Variants in CORO2B observed in about 807,000 individuals in gnomAD.
The protein encoded by CORO2B is coronin 2B.
Under a neutral mutation model 58.8 loss-of-function variants are expected in CORO2B, and 26 were observed. The ratio of observed to expected loss-of-function variants is 0.44; its 90% CI spans 0.32 to 0.61. CORO2B has a LOEUF of 0.61. Among genes scored for constraint, CORO2B ranks in the 20% least tolerant of loss-of-function variants. The probability of loss-of-function intolerance (pLI) is 0.04; values close to 1 mark genes in which losing one functional copy is unlikely to be tolerated. For synonymous variants in CORO2B, 242 were observed against 253.8 expected, an observed-to-expected ratio of 0.95 and a Z score of 0.44; for missense variants, 460 against 645.1, an observed-to-expected ratio of 0.71 and a Z score of 3.11.
intron 5 of CORO2B, 43 bp downstream of exon 5, chr15:68,711,749 G>A: frequency 6.2e-7 from 1 of 1,608,860 alleles, no homozygotes; most frequent in East Asian, 2.2e-5. Context: ...AAGGTATTGA[G>A]GGCTGGGGCT....
chr15:68,544,623 G>A, the CORO2B span, among the ~76,000 whole-genome samples: 1 of 152,268 alleles, frequency 6.6e-6, no homozygotes, highest in East Asian at 1.9e-4. Context: ...TCAGGGGTTT[G>A]ATTTTGGTCT....
intron 1 of CORO2B, among the ~76,000 whole-genome samples, chr15:68,603,872 T>C (rs905134318): frequency 6.6e-6 from 1 of 152,078 alleles, no homozygotes; most frequent in African/African-American, 2.4e-5. Flanking sequence ...GGCTAATACA[T>C]AGGGGATGCT....
the CORO2B span, among the ~76,000 whole-genome samples, chr15:68,560,873 G>A: frequency 3.3e-5 from 5 of 152,314 alleles, no homozygotes; most frequent in East Asian, 9.6e-4. Flanking sequence ...AAGCAGAACC[G>A]CAGCTCTCCT....
chr15:68,575,316 CA>C (rs1485365440), upstream of CORO2B, among the ~76,000 whole-genome samples: 1 of 151,850 alleles, frequency 6.6e-6, no homozygotes, highest in Non-Finnish European at 1.5e-5. Context: ...ATGCCTCCTG[CA>C]GTGACCCTGA....
At chr15:68,648,217 C>G (rs534149157) in intron 2 of CORO2B, among the ~76,000 whole-genome samples, 157 of 151,774 alleles carry the variant, frequency 1.0e-3, no homozygotes, top group Middle Eastern at 0.01. Context: ...CCTGTAGTCC[C>G]AGCTACTTGG....
chr15:68,718,824 G>C lies in CORO2B; in HGVS notation c.1080+14G>C, dbSNP rs1893093261. On this transcript the variant is annotated intron_variant, in intron 9 of 11. Coordinates refer to ENST00000261861, the MANE Select transcript of CORO2B (RefSeq NM_006091.5). ...GTGCCCCGGAGGGTAAGTGGGGCTG[G>C]GCTGGGCTCCAGGAGGGGGGCCTGC... is the stretch of plus-strand genomic sequence containing the variant. 6.2e-7 allele frequency: 1 copy of C among 1,604,830 alleles called. No individual in the cohort carries two copies. The highest frequency in any genetic ancestry group is 8.5e-7 in the Non-Finnish European group (1 of 1,172,104).
chr15:68,707,128 C>T (rs930893065), intron 3 of CORO2B, among the ~76,000 whole-genome samples: 3 of 152,104 alleles, frequency 2.0e-5, no homozygotes, highest in Non-Finnish European at 2.9e-5. Flanking sequence ...GCCCAGCTGC[C>T]GCCTAGGCTT....
In CORO2B at chr15:68,612,891, T is replaced by C. The variant is rs149211000; in HGVS notation, c.16-32269T>C. Among the ~76,000 whole-genome samples, 123 of 152,334 alleles carry C rather than the reference T, an allele frequency of 8.1e-4. 1 individual carries two copies. The South Asian group carries it at 0.013, about 17-fold the overall frequency. On this transcript the variant is annotated intron_variant, in intron 1 of 11. Coordinates refer to ENST00000261861, the MANE Select transcript of CORO2B (RefSeq NM_006091.5). ...TAACTGACCCCAGCTCCCTTGCTCC[T>C]TGTGGCTCATTTTTCCTTAGGGCCT...
the CORO2B span, among the ~76,000 whole-genome samples, chr15:68,559,099 G>A: frequency 4.6e-5 from 7 of 152,154 alleles, no homozygotes; most frequent in African/African-American, 1.4e-4. The surrounding 1 kb of genome is among the most constrained non-coding windows in gnomAD (Gnocchi z 4.3). Flanking sequence ...AGAAATGCGC[G>A]AAGTGTGGCT....
chr15:68,639,575 T>C (rs907140176), intron 1 of CORO2B, among the ~76,000 whole-genome samples: 1 of 152,182 alleles, frequency 6.6e-6, no homozygotes, highest in Non-Finnish European at 1.5e-5. Flanking sequence ...CAACATGATG[T>C]CTTTAATAAA....
chr15:68,535,362 C>T, the CORO2B span, among the ~76,000 whole-genome samples: 3 of 152,244 alleles, frequency 2.0e-5, no homozygotes, highest in Non-Finnish European at 4.4e-5. Flanking sequence ...GTCAATTTAC[C>T]TAATCTTTCT....
In CORO2B at chr15:68,655,358, C is replaced by T. The variant is rs74959008; in HGVS notation, c.216+9998C>T. 9.7e-3 allele frequency among the ~76,000 whole-genome samples: 1,474 copies of T among 152,264 alleles called. 31 individuals are homozygous for T. The highest frequency in any genetic ancestry group is 0.033 in the African/African-American group (1,373 of 41,538). On this transcript the variant is annotated intron_variant, in intron 2 of 11. Coordinates refer to ENST00000261861, the MANE Select transcript of CORO2B (RefSeq NM_006091.5). ...CTCTGTGCTCTGAGCCAGGCTGAAG[C>T]CACACAGTCCTCACAGTCCATGCCT...
chr15:68,611,864 C>G (rs1193697799), intron 1 of CORO2B, among the ~76,000 whole-genome samples: 1 of 151,964 alleles, frequency 6.6e-6, no homozygotes, highest in Admixed American at 6.6e-5. Context: ...CTCAACCTCC[C>G]AGGCTCAAGT....
Position 68,645,143 on chromosome 15 carries a change from C to T in CORO2B, c.16-17C>T, listed in dbSNP as rs770472509. ...ACAGGGCCCAGCCTGACCCTTGTCTCTCCTGGCCCCTCACAGATGTCCTGG... is the reference window on the plus strand; with the variant it reads ...ACAGGGCCCAGCCTGACCCTTGTCTTTCCTGGCCCCTCACAGATGTCCTGG... On this transcript the variant is annotated splice_polypyrimidine_tract_variant and intron_variant, in intron 1 of 11. Transcript: ENST00000261861. The surrounding 1 kb of genome is among the most constrained non-coding windows in gnomAD (Gnocchi z 4.5). 1.2e-6 allele frequency: 2 copies of T among 1,612,870 alleles called. No individual in the cohort carries two copies. Among genetic ancestry groups the T allele is most frequent in the East Asian group, 4.5e-5 (2 of 44,846 alleles).
chr15:68,548,324 G>C, the CORO2B span, among the ~76,000 whole-genome samples: 1 of 152,052 alleles, frequency 6.6e-6, no homozygotes, highest in Non-Finnish European at 1.5e-5. Context: ...CTAATGGCCA[G>C]TCTACATTAG....
intron 1 of CORO2B, among the ~76,000 whole-genome samples, chr15:68,584,742 T>C (rs1595951779): frequency 6.6e-6 from 1 of 152,132 alleles, no homozygotes; most frequent in Non-Finnish European, 1.5e-5. Flanking sequence ...ATCAGCCCCA[T>C]TGGGTTCCCA....
intron 1 of CORO2B, among the ~76,000 whole-genome samples, chr15:68,614,684 C>T (rs1228578930): frequency 6.6e-6 from 1 of 152,190 alleles, no homozygotes; most frequent in Admixed American, 6.5e-5. Context: ...TTTCAGGACT[C>T]CCGGGAGCCC....
the CORO2B span, among the ~76,000 whole-genome samples, chr15:68,554,352 C>T: frequency 2.0e-5 from 3 of 152,126 alleles, no homozygotes; most frequent in African/African-American, 7.2e-5. Context: ...CCAAGCTCTG[C>T]TGAGGGCCCA....
chr15:68,674,515 C>A (rs1181094146), intron 2 of CORO2B, among the ~76,000 whole-genome samples: 1 of 152,214 alleles, frequency 6.6e-6, no homozygotes, highest in Non-Finnish European at 1.5e-5. Context: ...GCCTGGGTGT[C>A]TGCAAACCTG....
Sources: allele counts gnomAD v4.1 joint callset (sites outside exome capture counted in the v4.1 genomes callset), GRCh38; gene constraint gnomAD v4.1.1; non-coding constraint Gnocchi (gnomAD v3.1); transcripts MANE v1.5; gene names NCBI Gene and HGNC (gene_info 2026-07-23, HGNC 2026-07-21).